The following INSR variants were observed in gnomAD, a reference collection of about 807,000 sequenced individuals.
INSR encodes IR.
INSR carries 67 observed loss-of-function variants against 142.6 expected under a neutral mutation model. That is an observed-to-expected ratio of 0.47 (90% confidence interval 0.39 to 0.58). INSR has a LOEUF of 0.58. INSR is among the 20% of genes least tolerant of loss of function. The probability of loss-of-function intolerance (pLI) is 0.00; values close to 1 mark genes in which losing one functional copy is unlikely to be tolerated. For synonymous variants in INSR, 756 were observed against 743.1 expected (o/e 1.02, Z -0.28); for missense variants, 1,248 against 1,833.2 (o/e 0.68, Z 5.83).
intron 2 of INSR, among the ~76,000 whole-genome samples, chr19:7,251,561 A>C (rs1976729451): frequency 6.8e-6 from 1 of 146,290 alleles, no homozygotes; most frequent in Admixed American, 6.7e-5. Context: ...ATGCCCGGCC[A>C]TCAATTTTTT....
chr19:7,248,506 A>AG (rs1976604008), intron 2 of INSR, among the ~76,000 whole-genome samples: 2 of 139,238 alleles, frequency 1.4e-5, no homozygotes, highest in Admixed American at 1.5e-4. Context: ...AAAAAAAAAA[A>AG]AAGCATGACC....
intron 2 of INSR, among the ~76,000 whole-genome samples, chr19:7,219,492 G>GGAGGGAGGGAGGGAAC (rs2145094409): frequency 7.2e-6 from 1 of 139,760 alleles, no homozygotes; most frequent in East Asian, 2.3e-4. Context: ...AGGGAAGGAA[G>GGAGGGAGGGAGGGAAC]GAAGGAGGGA....
chr19:7,259,135 CTCCT>C (rs1347834371), intron 2 of INSR, among the ~76,000 whole-genome samples: 3 of 70,536 alleles, frequency 4.3e-5, no homozygotes, highest in Admixed American at 3.3e-4. Flanking sequence ...TATTTCTTCC[CTCCT>C]TCCTTTTTTC....
At chr19:7,260,071 C>T (rs1375997490) in intron 2 of INSR, among the ~76,000 whole-genome samples, 1 of 152,166 alleles carries the variant, frequency 6.6e-6, no homozygotes, top group Non-Finnish European at 1.5e-5. Context: ...CAGAGAGTTT[C>T]CATAGGCAGC....
intron 6 of INSR, 32 bp downstream of exon 6, chr19:7,170,505 C>T (rs762648962): frequency 3.4e-5 from 53 of 1,554,296 alleles, no homozygotes; most frequent in South Asian, 2.1e-4. Flanking sequence ...ACCGGTCCCT[C>T]ATGCCAAAAA....
chr19:7,138,974 G>C (rs557789080), intron 13 of INSR, among the ~76,000 whole-genome samples: 130 of 152,246 alleles, frequency 8.5e-4, no homozygotes, highest in African/African-American at 2.7e-3. Flanking sequence ...ATACTCAGAG[G>C]ATGTATTGTA....
rs2245143 is a variant in INSR, at chr19:7,168,202, C to G, written c.1484-108G>C. The G allele has an allele frequency of 0.25, 279,683 of 1,117,226 alleles. 35,744 individuals carry two copies. Among genetic ancestry groups the G allele is most frequent in the Middle Eastern group, 0.31 (1,568 of 5,026 alleles). The allele number at this position is 1,117,226 out of a possible 1,614,324, so 69.2% of individuals were successfully genotyped here. A position where few individuals can be genotyped will look rare whatever the true frequency, so the allele number is the denominator to read the frequency against. On this transcript the variant is annotated intron_variant, in intron 6 of 21. Coordinates refer to ENST00000302850, the MANE Select transcript of INSR (RefSeq NM_000208.4). This position sits in a 1 kb window ranked among gnomAD's most constrained non-coding sequence, Gnocchi z 4.3. ...AGGGACCGTGAGAAGGCAGAGGTGA[C>G]GCTGCTATTCCCTTAAGGGTCTCCT...
chr19:7,292,089 C>CT (rs1555693191), intron 1 of INSR, among the ~76,000 whole-genome samples: 1 of 90,300 alleles, frequency 1.1e-5, no homozygotes, highest in African/African-American at 4.0e-5. Flanking sequence ...CACCACGCCC[C>CT]GCCTTTTTTT....
intron 3 of INSR, 102 bp from the exon 4 acceptor site, chr19:7,174,833 A>G: frequency 8.2e-7 from 1 of 1,214,050 alleles, no homozygotes; most frequent in Non-Finnish European, 1.2e-6. Context: ...CTGATATGGT[A>G]TTTCTTTGTG....
intron 2 of INSR, among the ~76,000 whole-genome samples, chr19:7,200,865 A>C (rs1191463325): frequency 1.3e-5 from 2 of 149,832 alleles, no homozygotes; most frequent in South Asian, 2.1e-4. Context: ...ATCTCAAAAA[A>C]AAAAAAAAAA....
At chr19:7,154,555 G>A (rs899838197) in intron 9 of INSR, among the ~76,000 whole-genome samples, 2 of 150,668 alleles carry the variant, frequency 1.3e-5, no homozygotes, top group African/African-American at 4.9e-5. Context: ...GCCCGCCTTG[G>A]CCTCCCAAAG....
intron 2 of INSR, among the ~76,000 whole-genome samples, chr19:7,230,071 C>A (rs1053452366): frequency 3.9e-5 from 6 of 152,140 alleles, no homozygotes; most frequent in Non-Finnish European, 8.8e-5. Flanking sequence ...GGTTTACAGA[C>A]ATGAGTCAGC....
intron 3 of INSR, among the ~76,000 whole-genome samples, chr19:7,179,660 C>T (rs1414214134): frequency 1.3e-5 from 2 of 152,230 alleles, no homozygotes; most frequent in African/African-American, 4.8e-5. Context: ...TCTAACCCTG[C>T]TTTCACGCTG....
chr19:7,172,327 T>G lies in INSR; in HGVS notation c.1231A>C (p.Lys411Gln), dbSNP rs200059069. 1 of 1,614,122 alleles carries G rather than the reference T, an allele frequency of 6.2e-7. No homozygotes were observed. Residue 411 changes from lysine to glutamine, a missense_variant, in exon 5 of 22, where the codon AAG (lysine) becomes CAG (glutamine). Lys to Gln is a moderately conservative substitution (Grantham distance 53). Around this residue, in one of 3 missense-constraint regions of INSR, gnomAD observed 1,069 missense variants for 1,654.0 expected, o/e 0.65. Transcript: ENST00000302850. ...YALVSLSFFR[K>Q]LRLIRGETLE... Reference sequence around the variant, plus strand: ...GTCTCTCCTCGAATCAGACGTAACTTCCGGAAGAAGGAAAGTGACACCAGA... The same window carrying G: ...GTCTCTCCTCGAATCAGACGTAACTGCCGGAAGAAGGAAAGTGACACCAGA...
intron 2 of INSR, among the ~76,000 whole-genome samples, chr19:7,186,912 C>A (rs1362537877): frequency 6.6e-6 from 1 of 151,296 alleles, no homozygotes; most frequent in Non-Finnish European, 1.5e-5. Flanking sequence ...ACCATGTTGG[C>A]CGGGCTGGTC....
At chr19:7,278,894 T>G (rs1968135938) in intron 1 of INSR, among the ~76,000 whole-genome samples, 1 of 151,356 alleles carries the variant, frequency 6.6e-6, no homozygotes, top group African/African-American at 2.4e-5. Context: ...TTTGGGAGCC[T>G]GAGGTGGGAG....
chr19:7,154,880 AGCCATTG>A (rs1293947373), intron 9 of INSR, among the ~76,000 whole-genome samples: 1 of 151,812 alleles, frequency 6.6e-6, no homozygotes, highest in Non-Finnish European at 1.5e-5. Context: ...GCCGAGATTG[AGCCATTG>A]CACTCCAGCC....
intron 1 of INSR, among the ~76,000 whole-genome samples, chr19:7,270,339 T>TCTCTCTCA (rs1414011806): frequency 2.9e-4 from 35 of 120,248 alleles, no homozygotes; most frequent in South Asian, 5.5e-4. Flanking sequence ...TCTCTCTCTC[T>TCTCTCTCA]CACACACACA....
At chr19:7,211,991 T>C (rs34030944) in intron 2 of INSR, among the ~76,000 whole-genome samples, 575 of 142,046 alleles carry the variant, frequency 4.0e-3, no homozygotes, top group African/African-American at 0.017. Context: ...ATCACTGTTA[T>C]CTTAAAGTAG....
Sources: allele counts gnomAD v4.1 joint callset (sites outside exome capture counted in the v4.1 genomes callset), GRCh38; gene constraint gnomAD v4.1.1; regional missense constraint gnomAD v4.1.1; non-coding constraint Gnocchi (gnomAD v3.1); transcripts MANE v1.5; gene names NCBI Gene and HGNC (gene_info 2026-07-23, HGNC 2026-07-21).